The following L3MBTL4 variants were observed in gnomAD, a reference collection of about 807,000 sequenced individuals.
L3MBTL4 encodes the protein L3MBTL histone methyl-lysine binding protein 4.
L3MBTL4 carries 70 observed loss-of-function variants against 84.5 expected under a neutral mutation model. That is an observed-to-expected ratio of 0.83 (90% CI 0.68 to 1.01). The LOEUF is 1.01. L3MBTL4 is among the 50% of genes least tolerant of loss of function. L3MBTL4 has a pLI of 0.00. For missense variants in L3MBTL4, 715 were observed against 754.8 expected, an observed-to-expected ratio of 0.95 and a Z score of 0.62; for synonymous variants, 274 against 259.8, an observed-to-expected ratio of 1.05 and a Z score of -0.52.
At chr18:5,962,598 A>G (rs2095269060) in intron 17 of L3MBTL4, among the ~76,000 whole-genome samples, 1 of 152,168 alleles carries the variant, frequency 6.6e-6, no homozygotes, top group Non-Finnish European at 1.5e-5. Flanking sequence ...CAGGCATCAC[A>G]CCACACAGAT....
intron 1 of L3MBTL4, among the ~76,000 whole-genome samples, chr18:6,363,432 CCA>C (rs1417728627): frequency 6.6e-6 from 1 of 152,152 alleles, no homozygotes; most frequent in Non-Finnish European, 1.5e-5. Context: ...CAGGGAAAGT[CCA>C]CTCAAGTACG....
intron 16 of L3MBTL4, among the ~76,000 whole-genome samples, chr18:5,976,831 G>A (rs1182353043): frequency 1.3e-5 from 2 of 152,182 alleles, no homozygotes; most frequent in Non-Finnish European, 2.9e-5. Context: ...GTTAGGAACT[G>A]TTCAGAGTTA....
intron 3 of L3MBTL4, among the ~76,000 whole-genome samples, chr18:6,311,086 C>T (rs2146939828): frequency 1.3e-5 from 2 of 152,254 alleles, no homozygotes; most frequent in East Asian, 3.9e-4. Flanking sequence ...GCCCCCACAA[C>T]CTGCCTCAAT....
intron 12 of L3MBTL4, among the ~76,000 whole-genome samples, chr18:6,176,547 C>T (rs80304847): frequency 0.023 from 3,558 of 152,004 alleles, 45 homozygotes; most frequent in Non-Finnish European, 0.032. Context: ...ATCACACATA[C>T]ACAAGTATTT....
At chr18:6,018,770 C>T (rs1262073308) in intron 16 of L3MBTL4, among the ~76,000 whole-genome samples, 2 of 152,154 alleles carry the variant, frequency 1.3e-5, no homozygotes, top group Non-Finnish European at 2.9e-5. Flanking sequence ...CATGTCTGTG[C>T]TCTGAAAGAG....
At chr18:6,292,335 A>C (rs2049904006) in intron 4 of L3MBTL4, among the ~76,000 whole-genome samples, 1 of 152,150 alleles carries the variant, frequency 6.6e-6, no homozygotes, top group African/African-American at 2.4e-5. Context: ...TATTTTTTGC[A>C]TTATGATTTC....
chr18:6,035,264 G>C (rs2145651191), intron 16 of L3MBTL4, among the ~76,000 whole-genome samples: 1 of 152,176 alleles, frequency 6.6e-6, no homozygotes, highest in Admixed American at 6.5e-5. Context: ...TTTTCTTCTA[G>C]GGTTTTTATG....
At chr18:6,370,480 T>C (rs909992030) in intron 1 of L3MBTL4, among the ~76,000 whole-genome samples, 4 of 152,192 alleles carry the variant, frequency 2.6e-5, no homozygotes, top group African/African-American at 9.6e-5. Flanking sequence ...CGCCCGTCTA[T>C]GAGCAGCTGT....
At chr18:6,142,332 G>T (rs2060222972) in intron 13 of L3MBTL4, among the ~76,000 whole-genome samples, 1 of 152,190 alleles carries the variant, frequency 6.6e-6, no homozygotes, top group Non-Finnish European at 1.5e-5. Context: ...GTCCAGAAAA[G>T]CAGCTTATAT....
intron 1 of L3MBTL4, among the ~76,000 whole-genome samples, chr18:6,332,839 T>C (rs2052111054): frequency 6.6e-6 from 1 of 152,174 alleles, no homozygotes; most frequent in South Asian, 2.1e-4. Flanking sequence ...ACTAGAAGAA[T>C]CCAGACTAAT....
rs1173271735 is a variant in L3MBTL4 at position 6,369,879 on chromosome 18, A to G, written c.-91+44922T>C. On this transcript the variant is annotated intron_variant, in intron 1 of 18. Coordinates refer to ENST00000317931, the MANE Select transcript of L3MBTL4 (RefSeq NM_001330559.2). ...TGGGGCACAGTGGCTCACGCCTATA[A>G]TCCTAGCACTTTGGGAGGCCGAGGC... is the stretch of plus-strand genomic sequence containing the variant. Among the ~76,000 whole-genome samples, 3 of 152,290 alleles carry G rather than the reference A, an allele frequency of 2.0e-5. No homozygotes were observed. The East Asian group carries it at 5.8e-4, about 29-fold the overall frequency.
In L3MBTL4 at chr18:6,362,172, GAAGA is replaced by G. The variant is rs1261220392; in HGVS notation, c.-90-50120_-90-50117del. On this transcript the variant is annotated intron_variant, in intron 1 of 18. Transcript: ENST00000317931. ...GAGGGGGGGAAGAGAAGGAAGGAAA[GAAGA>G]AAGGAAGGAAGGAAGGAAGGGAGGG... Among the ~76,000 whole-genome samples the G allele has an allele frequency of 1.0e-4, 11 of 106,702 alleles. No homozygotes were observed. In the East Asian group the frequency reaches 2.9e-3, roughly 29 times the overall value. The allele number at this position is 106,702 out of a possible 152,430, so 70.0% of individuals were successfully genotyped here.
intron 16 of L3MBTL4, among the ~76,000 whole-genome samples, chr18:6,024,336 T>C (rs959702221): frequency 2.0e-5 from 3 of 152,234 alleles, no homozygotes; most frequent in African/African-American, 7.2e-5. Context: ...GGTGGTCTCC[T>C]GGTTTTCCCT....
intron 16 of L3MBTL4, among the ~76,000 whole-genome samples, chr18:5,994,478 A>G (rs528914840): frequency 3.0e-4 from 45 of 152,278 alleles, no homozygotes; most frequent in Non-Finnish European, 5.6e-4. Flanking sequence ...CCAAATATCA[A>G]CTCAAAATTA....
intron 1 of L3MBTL4, among the ~76,000 whole-genome samples, chr18:6,325,818 C>T (rs1382054372): frequency 1.3e-5 from 2 of 152,102 alleles, no homozygotes; most frequent in South Asian, 4.2e-4. Flanking sequence ...ATGGTGTACC[C>T]TAGTCATCTA....
At chr18:6,122,729 G>T (rs566130076) in intron 14 of L3MBTL4, among the ~76,000 whole-genome samples, 1 of 152,278 alleles carries the variant, frequency 6.6e-6, no homozygotes, top group South Asian at 2.1e-4. Flanking sequence ...AAGGAAGATT[G>T]GCCAAGGCCG....
At chr18:6,002,214 T>C (rs1650126800) in intron 16 of L3MBTL4, among the ~76,000 whole-genome samples, 1 of 152,080 alleles carries the variant, frequency 6.6e-6, no homozygotes, top group Admixed American at 6.5e-5. Context: ...TCTTGCAAAA[T>C]TTGAGAGAAA....
In L3MBTL4 at chr18:6,311,650, T is replaced by A. The variant is rs2050839278; in HGVS notation, c.-25A>T. On this transcript the variant is annotated 5_prime_UTR_variant, in exon 3 of 19. Transcript: ENST00000317931. ...TTGCCACCCCCGCACTCCTTGGCAG[T>A]GGTTTTCTGTAAAACAGGGTTACAT... 1.9e-6 allele frequency: 3 copies of A among 1,600,616 alleles called. No individual in the cohort carries two copies. Among genetic ancestry groups the A allele is most frequent in the South Asian group, 2.2e-5 (2 of 90,810 alleles).
At chr18:6,368,752 C>T (rs2054036134) in intron 1 of L3MBTL4, among the ~76,000 whole-genome samples, 1 of 152,050 alleles carries the variant, frequency 6.6e-6, no homozygotes, top group Non-Finnish European at 1.5e-5. Flanking sequence ...TAAAAGTCAA[C>T]GTCTGGAGGC....
Sources: allele counts gnomAD v4.1 joint callset (sites outside exome capture counted in the v4.1 genomes callset), GRCh38; gene constraint gnomAD v4.1.1; transcripts MANE v1.5; gene names NCBI Gene and HGNC (gene_info 2026-07-23, HGNC 2026-07-21).